Variants in TNXB observed in about 807,000 individuals in gnomAD.
TNXB encodes tenascin XB.
A neutral mutation model predicts 340.5 loss-of-function variants in TNXB; 183 were observed. The observed-to-expected ratio is 0.54, with a 90% CI of 0.48 to 0.61. The LOEUF (loss-of-function observed/expected upper bound fraction) is 0.61, where lower values mean the gene tolerates loss of function less well. Among genes scored for constraint, TNXB ranks in the 20% least tolerant of loss-of-function variants. The pLI, the probability that TNXB is intolerant of heterozygous loss-of-function variation, is 0.00. For missense variants in TNXB, 4,613 were observed against 5,446.4 expected (o/e 0.85, Z 4.82); for synonymous variants, 2,121 against 2,314.5 (o/e 0.92, Z 2.40).
chr6:32,107,571 GGA>G (rs1178074301), intron 1 of TNXB, among the ~76,000 whole-genome samples: 3 of 152,120 alleles, frequency 2.0e-5, no homozygotes, highest in African/African-American at 7.2e-5. Context: ...GTGTGTGTTT[GGA>G]GAGAGATATG....
rs1264482047 is a variant in TNXB, at chr6:32,088,785, C to T, written c.2779G>A (p.Gly927Arg). Residue 927 changes from glycine to arginine, a missense_variant and splice_region_variant, in exon 6 of 44, where the codon GGG becomes AGG. By Grantham distance (125) the Gly-to-Arg change is moderately radical. Around this residue, in one of 7 missense-constraint regions of TNXB, gnomAD observed 4,327 missense variants for 4,859.4 expected, o/e 0.89. Coordinates refer to ENST00000644971, the MANE Select transcript of TNXB (RefSeq NM_001365276.2). ...TTCCCTAACCTCTGGCCAGCCATACCTGTGTTGGCCCTGACAGAAGCTGGG... is the reference window on the plus strand; with the variant it reads ...TTCCCTAACCTCTGGCCAGCCATACTTGTGTTGGCCCTGACAGAAGCTGGG... ...SYPASVRANT[G>R]SSPLGLLGTT... The T allele has an allele frequency of 6.4e-7, 1 of 1,568,218 alleles. No homozygotes were observed. Among genetic ancestry groups the T allele is most frequent in the Non-Finnish European group, 8.6e-7 (1 of 1,157,852 alleles).
chr6:32,067,452 C>T lies in TNXB; in HGVS notation c.6544+209G>A, dbSNP rs540400895. 3.9e-5 allele frequency among the ~76,000 whole-genome samples: 6 copies of T among 152,350 alleles called. No homozygotes were observed. In the East Asian group the frequency reaches 7.7e-4, roughly 20 times the overall value. ...AGCCAGTGAATCACCTCCCAAGAGG[C>T]CTCAGTCCCTGGGGGCCTTTCCCAT... On this transcript the variant is annotated intron_variant, in intron 18 of 43. Transcript: ENST00000644971. This position sits in a 1 kb window ranked among gnomAD's most constrained non-coding sequence, Gnocchi z 4.2.
Position 32,070,193 on chromosome 6 carries a change from T to C in TNXB, c.5212A>G (p.Arg1738Gly), listed in dbSNP as rs1254604537. 1.2e-6 allele frequency: 2 copies of C among 1,611,708 alleles called. No homozygotes were observed. The highest frequency in any genetic ancestry group is 1.7e-6 in the Non-Finnish European group (2 of 1,179,090). ...CCCAGGAGGCCATAGAGGAGGAATCTGTACTTGCGGCCGGCATCCAGAGGG... is the reference window on the plus strand; with the variant it reads ...CCCAGGAGGCCATAGAGGAGGAATCCGTACTTGCGGCCGGCATCCAGAGGG... ...VTPLDAGRKY[R>G]FLLYGLLGKK... is the part of the protein sequence containing the mutation. Residue 1738 changes from arginine (R) to glycine (G), a missense_variant, in exon 14 of 44, where the codon AGA becomes GGA. Around this residue, in one of 7 missense-constraint regions of TNXB, gnomAD observed 4,327 missense variants for 4,859.4 expected, o/e 0.89. Coordinates refer to ENST00000644971, the MANE Select transcript of TNXB (RefSeq NM_001365276.2). The surrounding 1 kb of genome is among the most constrained non-coding windows in gnomAD (Gnocchi z 6.0).
Position 32,061,334 on chromosome 6 carries a change from C to A in TNXB, c.7492+63G>T. The A allele has an allele frequency of 6.3e-7, 1 of 1,577,206 alleles. No individual in the cohort carries two copies. The highest frequency in any genetic ancestry group is 1.1e-5 in the South Asian group (1 of 87,706). ...ACCCACAGGGCTTGGTGAAAGGGCACAGCAGTAAACCAGGTACCCATGAGG... is the reference window on the plus strand; with the variant it reads ...ACCCACAGGGCTTGGTGAAAGGGCAAAGCAGTAAACCAGGTACCCATGAGG... On this transcript the variant is annotated intron_variant, in intron 21 of 43. Transcript: ENST00000644971. The surrounding 1 kb of genome is among the most constrained non-coding windows in gnomAD (Gnocchi z 4.4).
rs2127263865 is a variant in TNXB at position 32,085,403 on chromosome 6, GAGGAGCAACCGA to G, written c.3148+335_3148+346del. On this transcript the variant is annotated intron_variant, in intron 7 of 43. Coordinates refer to ENST00000644971, the MANE Select transcript of TNXB (RefSeq NM_001365276.2). This position sits in a 1 kb window ranked among gnomAD's most constrained non-coding sequence, Gnocchi z 6.4. ...AAGATTTATAGGGCAGGGAAGGGCA[GAGGAGCAACCGA>G]AGAGTGGGGGCAGGGGACAGGGCAA... Among the ~76,000 whole-genome samples the G allele has an allele frequency of 6.6e-6, 1 of 152,316 alleles. No individual in the cohort carries two copies. The highest frequency in any genetic ancestry group is 2.4e-5 in the African/African-American group (1 of 41,560).
At chr6:32,106,131 T>TC (rs1554336986) in intron 1 of TNXB, among the ~76,000 whole-genome samples, 1 of 22,260 alleles carries the variant, frequency 4.5e-5, no homozygotes, top group Non-Finnish European at 9.2e-5. Context: ...AGTAGGGGCA[T>TC]GGGGGGGGGG....
chr6:32,057,194 C>T (rs1410332874), intron 22 of TNXB, among the ~76,000 whole-genome samples: 2 of 152,146 alleles, frequency 1.3e-5, no homozygotes, highest in Non-Finnish European at 2.9e-5. Flanking sequence ...CTCTGCACCC[C>T]TGGCCTCCCA....
chr6:32,069,544 C>T lies in TNXB; in HGVS notation c.5587+9G>A, dbSNP rs1432906567. On this transcript the variant is annotated intron_variant, in intron 15 of 43. Transcript: ENST00000644971. This position sits in a 1 kb window ranked among gnomAD's most constrained non-coding sequence, Gnocchi z 6.2. ...GGAGGCACAGGTGTTCCAGCTGCCG[C>T]ACACTCACCAGTAATGGCGACGGCC... is the stretch of plus-strand genomic sequence containing the variant. 1.9e-6 allele frequency: 3 copies of T among 1,550,764 alleles called. No individual in the cohort carries two copies. Among genetic ancestry groups the T allele is most frequent in the South Asian group, 2.5e-5 (2 of 81,454 alleles).
chr6:32,098,662 T>C (rs1328598664), intron 1 of TNXB, among the ~76,000 whole-genome samples: 1 of 152,102 alleles, frequency 6.6e-6, no homozygotes, highest in Non-Finnish European at 1.5e-5. Flanking sequence ...GTACTTTTAG[T>C]AGAGACCGGG....
chr6:32,106,149 G>T (rs1246034877), intron 1 of TNXB, among the ~76,000 whole-genome samples: 5 of 151,896 alleles, frequency 3.3e-5, no homozygotes, highest in Non-Finnish European at 5.9e-5. Context: ...GGGGCTTCTG[G>T]GGTGCTAAAG....
Position 32,084,602 on chromosome 6 carries a change from C to T in TNXB, c.3256G>A (p.Glu1086Lys), listed in dbSNP as rs766226155. 5.0e-6 allele frequency: 8 copies of T among 1,608,080 alleles called. No homozygotes were observed. The highest frequency in any genetic ancestry group is 1.1e-5 in the South Asian group (1 of 90,026). ...DSLLLRWTVP[E>K]GEFDSFVIQY... is the part of the protein sequence containing the mutation. ...ATCACGAAGGAGTCAAACTCGCCCT[C>T]GGGGACCGTCCAGCGCAGGAGCAAG... The change falls in exon 8 of 44, where the codon GAG becomes AAG. Residue 1086 changes from glutamate (E) to lysine (K), a missense_variant. Physicochemically the swap from Glu to Lys is moderately conservative, Grantham distance 56. Transcript: ENST00000644971. This position sits in a 1 kb window ranked among gnomAD's most constrained non-coding sequence, Gnocchi z 5.5.
In TNXB at chr6:32,061,570, G is replaced by A; in HGVS notation, c.7319C>T (p.Ser2440Phe). 6.2e-7 allele frequency: 1 copy of A among 1,613,420 alleles called. No individual in the cohort carries two copies. The highest frequency in any genetic ancestry group is 8.5e-7 in the Non-Finnish European group (1 of 1,179,894). Residue 2440 changes from serine (S) to phenylalanine (F), a missense_variant, in exon 21 of 44, where the codon TCC (serine) becomes TTC (phenylalanine). By Grantham distance (155) the Ser-to-Phe change is radical (BLOSUM62 -2). Coordinates refer to ENST00000644971, the MANE Select transcript of TNXB (RefSeq NM_001365276.2). This position sits in a 1 kb window ranked among gnomAD's most constrained non-coding sequence, Gnocchi z 4.4. ...CCTGTCCTTGTACTGCACGGTGAAG[G>A]AGTCGAAGCGGCCCTGGGGGACGGT... ...SWTVPQGRFD[S>F]FTVQYKDRDG...
rs1345525986 is a variant in TNXB, at chr6:32,074,808, G to A, written c.4376-856C>T. Among the ~76,000 whole-genome samples the A allele has an allele frequency of 6.6e-6, 1 of 152,172 alleles. No homozygotes were observed. The highest frequency in any genetic ancestry group is 1.5e-5 in the Non-Finnish European group (1 of 68,040). ...CGATTCTCCTGCCTTAGCCTCCTGAGTAGCTGGGATTACAGGCATGTGCCA... is the reference window on the plus strand; with the variant it reads ...CGATTCTCCTGCCTTAGCCTCCTGAATAGCTGGGATTACAGGCATGTGCCA... On this transcript the variant is annotated intron_variant, in intron 11 of 43. Transcript: ENST00000644971. This position sits in a 1 kb window ranked among gnomAD's most constrained non-coding sequence, Gnocchi z 5.5.
chr6:32,068,085 G>A lies in TNXB; in HGVS notation c.6221-101C>T. On this transcript the variant is annotated intron_variant, in intron 17 of 43. Coordinates refer to ENST00000644971, the MANE Select transcript of TNXB (RefSeq NM_001365276.2). This position sits in a 1 kb window ranked among gnomAD's most constrained non-coding sequence, Gnocchi z 5.3. ...CTGGGGGACCCGAGGTCAGTTCAGA[G>A]AGGCCTACTCTTGGGGCTGGGTGGT... 6 of 1,470,122 alleles carry A rather than the reference G, an allele frequency of 4.1e-6. No homozygotes were observed. Among genetic ancestry groups the A allele is most frequent in the Non-Finnish European group, 5.5e-6 (6 of 1,097,698 alleles). The allele number at this position is 1,470,122 out of a possible 1,614,324, so 91.1% of individuals were successfully genotyped here. A position where few individuals can be genotyped will look rare whatever the true frequency, so the allele number is the denominator to read the frequency against.
At chr6:32,065,175 A>T in intron 18 of TNXB, 58 bp from the exon 19 acceptor site, 5 of 1,443,536 alleles carry the variant, frequency 3.5e-6, no homozygotes, top group Non-Finnish European at 4.6e-6. Flanking sequence ...TTGAGGCCCC[A>T]GCTGTCTTGA....
intron 11 of TNXB, among the ~76,000 whole-genome samples, chr6:32,078,824 G>A (rs748286689): frequency 6.6e-6 from 1 of 152,180 alleles, no homozygotes; most frequent in Non-Finnish European, 1.5e-5. Flanking sequence ...CCCATTTTAC[G>A]GACAAGGAAA....
At position 32,108,192 on chromosome 6, in the gene TNXB, C is replaced by G. The variant is rs535948722; in HGVS notation, c.-9+989G>C. Among the ~76,000 whole-genome samples the G allele has an allele frequency of 2.0e-5, 3 of 152,232 alleles. No homozygotes were observed. Among genetic ancestry groups the G allele is most frequent in the African/African-American group, 7.2e-5 (3 of 41,536 alleles). On this transcript the variant is annotated intron_variant, in intron 1 of 43. Transcript: ENST00000644971. The surrounding 1 kb of genome is among the most constrained non-coding windows in gnomAD (Gnocchi z 4.8). The stretch of plus-strand genomic sequence containing the variant: ...GGGAAAAGAGGAGGGGCTGGAGATG[C>G]GGGAAGCAGGGGCAGGGCAGGCAGC...
chr6:32,098,175 T>G lies in TNXB; in HGVS notation c.24A>C (p.Leu8=). The G allele has an allele frequency of 1.3e-6, 2 of 1,548,012 alleles. No homozygotes were observed. Among genetic ancestry groups the G allele is most frequent in the Non-Finnish European group, 1.7e-6 (2 of 1,143,122 alleles). Reference sequence around the variant, plus strand: ...GCACCAGGAGAACCAGGCTGGAGGTTAGAGCATACTGGGCTGGCATCATTC... The same window carrying G: ...GCACCAGGAGAACCAGGCTGGAGGTGAGAGCATACTGGGCTGGCATCATTC... MMPAQYA[L]TSSLVLLVLL... Residue 8 remains leucine (L), a synonymous_variant, in exon 2 of 44, where the codon CTA becomes CTC. Transcript: ENST00000644971.
intron 1 of TNXB, among the ~76,000 whole-genome samples, chr6:32,099,303 G>A (rs1341259175): frequency 6.6e-6 from 1 of 150,870 alleles, no homozygotes; most frequent in Admixed American, 6.6e-5. Flanking sequence ...GTGCGATCTC[G>A]GCTCACTGCA....
Sources: gnomAD v4.1 joint callset for allele counts (sites outside exome capture counted in the v4.1 genomes callset) on GRCh38, gnomAD v4.1.1 for gene constraint, gnomAD v4.1.1 regional missense constraint, Gnocchi (gnomAD v3.1) non-coding constraint, MANE v1.5 for transcripts, NCBI Gene and HGNC (gene_info 2026-07-23, HGNC 2026-07-21) for gene names.